Variants in YPEL5 observed in about 807,000 individuals in gnomAD.
YPEL5 encodes the protein protein yippee-like 5.
In YPEL5, 1 loss-of-function variant was observed where a neutral mutation model predicts 10.5. The ratio of observed to expected loss-of-function variants is 0.10; its 90% confidence interval spans 0.03 to 0.45. The LOEUF is 0.45. YPEL5 is among the 20% of genes least tolerant of loss of function. The pLI, the probability that YPEL5 is intolerant of heterozygous loss-of-function variation, is 0.97. For missense variants in YPEL5, 68 were observed against 159.3 expected (o/e 0.43, Z 3.09); for synonymous variants, 61 against 56.6 (o/e 1.08, Z -0.35).
At chr2:30,153,919 C>T (rs1351530290) in intron 1 of YPEL5, among the ~76,000 whole-genome samples, 1 of 152,098 alleles carries the variant, frequency 6.6e-6, no homozygotes, top group Non-Finnish European at 1.5e-5. Context: ...AATGTATTTA[C>T]CCTCAGTAGG....
chr2:30,148,850 G>A (rs146870912), intron 1 of YPEL5, among the ~76,000 whole-genome samples: 2 of 152,300 alleles, frequency 1.3e-5, no homozygotes, highest in Non-Finnish European at 2.9e-5. Context: ...AACAGTCCAC[G>A]AGACATGAAG....
intron 1 of YPEL5, 120 bp from the exon 2 acceptor site, chr2:30,156,508 G>T: frequency 1.1e-6 from 1 of 904,554 alleles, no homozygotes; most frequent in Non-Finnish European, 1.7e-6. Context: ...TTCACACATC[G>T]AGTACTACAA....
intron 1 of YPEL5, among the ~76,000 whole-genome samples, chr2:30,149,778 C>T (rs536008142): frequency 6.6e-6 from 1 of 152,348 alleles, no homozygotes; most frequent in African/African-American, 2.4e-5. Flanking sequence ...GTCTTTGTAC[C>T]TTGCCTTTGT....
chr2:30,156,810 T>C lies in YPEL5; in HGVS notation c.141+18T>C, dbSNP rs1676058762. ...TTAACAAGGTTAGTGAGAAAAAGTT[T>C]GATTCCTAAGTGGGCTTATTGGCTG... On this transcript the variant is annotated intron_variant, in intron 2 of 2. Coordinates refer to ENST00000261353, the MANE Select transcript of YPEL5 (RefSeq NM_016061.3). 3 of 1,613,950 alleles carry C rather than the reference T, an allele frequency of 1.9e-6. No individual in the cohort carries two copies. The East Asian group carries it at 6.7e-5, about 36-fold the overall frequency.
At chr2:30,156,925 C>A (rs1558359214) in intron 2 of YPEL5, 133 bp downstream of exon 2, 3 of 1,075,678 alleles carry the variant, frequency 2.8e-6, no homozygotes, top group Non-Finnish European at 4.0e-6. Flanking sequence ...GAAATGATTG[C>A]CCACTAGCTC....
chr2:30,151,500 A>G (rs1675792962), intron 1 of YPEL5, among the ~76,000 whole-genome samples: 1 of 152,194 alleles, frequency 6.6e-6, no homozygotes, highest in Non-Finnish European at 1.5e-5. Flanking sequence ...TTTCACTTAT[A>G]TTTTCATCCC....
At chr2:30,147,344 G>C (rs946360136) in intron 1 of YPEL5, among the ~76,000 whole-genome samples, 6 of 149,372 alleles carry the variant, frequency 4.0e-5, no homozygotes, top group Non-Finnish European at 3.0e-5. Flanking sequence ...GCAGCCGGGC[G>C]ACCGGTGCGA....
chr2:30,158,513 C>G (rs1399484176), intron 2 of YPEL5, 106 bp from the exon 3 acceptor site: 2 of 1,068,362 alleles, frequency 1.9e-6, no homozygotes, highest in East Asian at 2.5e-5. Flanking sequence ...CTAACAAGTT[C>G]TTTCTCCTTT....
chr2:30,147,030 C>T lies in YPEL5; in HGVS notation c.-57C>T, dbSNP rs560593063. On this transcript the variant is annotated 5_prime_UTR_variant, in exon 1 of 3. Transcript: ENST00000261353. Reference sequence around the variant, plus strand: ...TCATACCAGCTGAAGAGCGACAAGCCGCTGGCAGCCGCGGATCTCACCGCC... The same window carrying T: ...TCATACCAGCTGAAGAGCGACAAGCTGCTGGCAGCCGCGGATCTCACCGCC... 15 of 152,578 alleles carry T rather than the reference C, an allele frequency of 9.8e-5. No homozygotes were observed. In the South Asian group the frequency reaches 2.9e-3, roughly 29 times the overall value. The allele number at this position is 152,578 out of a possible 1,614,324, so 9.5% of individuals were successfully genotyped here. A position where few individuals can be genotyped will look rare whatever the true frequency, so the allele number is the denominator to read the frequency against.
intron 1 of YPEL5, among the ~76,000 whole-genome samples, chr2:30,149,710 G>T (rs1675693290): frequency 6.6e-6 from 1 of 152,176 alleles, no homozygotes; most frequent in South Asian, 2.1e-4. Context: ...CTCTGCAAGG[G>T]GCAGGTTCCT....
chr2:30,147,353 G>A (rs1336796654), intron 1 of YPEL5, among the ~76,000 whole-genome samples: 4 of 148,948 alleles, frequency 2.7e-5, no homozygotes, highest in Non-Finnish European at 4.5e-5. Flanking sequence ...CGACCGGTGC[G>A]ACAACAGCCG....
Position 30,158,911 on chromosome 2 carries a change from C to A in YPEL5, c.*68C>A. ...GAAAACAAAAATCTACTTACATACA[C>A]TGTCACCTTAGCATCAGAGTCGGAT... On this transcript the variant is annotated 3_prime_UTR_variant, in exon 3 of 3. Transcript: ENST00000261353. 1 of 1,447,090 alleles carries A rather than the reference C, an allele frequency of 6.9e-7. No individual in the cohort carries two copies. The allele number at this position is 1,447,090 out of a possible 1,614,324, so 89.6% of individuals were successfully genotyped here. A position where few individuals can be genotyped will look rare whatever the true frequency, so the allele number is the denominator to read the frequency against.
intron 1 of YPEL5, among the ~76,000 whole-genome samples, chr2:30,155,399 G>T (rs1046348640): frequency 6.6e-6 from 1 of 152,104 alleles, no homozygotes; most frequent in Non-Finnish European, 1.5e-5. Context: ...TTTTAAATTT[G>T]TAATGGAATT....
chr2:30,156,508 G>C (rs1438952437), intron 1 of YPEL5, 120 bp from the exon 2 acceptor site: 3 of 904,440 alleles, frequency 3.3e-6, no homozygotes, highest in Non-Finnish European at 5.1e-6. Flanking sequence ...TTCACACATC[G>C]AGTACTACAA....
chr2:30,150,369 G>C (rs1191687217), intron 1 of YPEL5, among the ~76,000 whole-genome samples: 1 of 152,168 alleles, frequency 6.6e-6, no homozygotes, highest in East Asian at 1.9e-4. Context: ...ACTCAGAGGT[G>C]GCTGCTGCTC....
intron 1 of YPEL5, among the ~76,000 whole-genome samples, chr2:30,155,401 A>G (rs1675998999): frequency 6.6e-6 from 1 of 152,168 alleles, no homozygotes; most frequent in African/African-American, 2.4e-5. Flanking sequence ...TTAAATTTGT[A>G]ATGGAATTCC....
chr2:30,152,746 T>C (rs1023167938), intron 1 of YPEL5, among the ~76,000 whole-genome samples: 2 of 152,220 alleles, frequency 1.3e-5, no homozygotes, highest in Non-Finnish European at 2.9e-5. Context: ...ATGCGGTATG[T>C]AAATACCAAG....
chr2:30,157,274 C>T (rs991574855), intron 2 of YPEL5, among the ~76,000 whole-genome samples: 4 of 150,718 alleles, frequency 2.7e-5, no homozygotes, highest in Non-Finnish European at 5.9e-5. Flanking sequence ...CAGAGTGAGA[C>T]TCAGTCTCAA....
intron 1 of YPEL5, chr2:30,156,008 T>C (rs531701652): frequency 3.3e-5 from 5 of 152,430 alleles, no homozygotes; most frequent in African/African-American, 1.2e-4. Flanking sequence ...TGTGAAGTGA[T>C]GGTAACAACC....
Sources: gnomAD v4.1 joint callset for allele counts (sites outside exome capture counted in the v4.1 genomes callset) on GRCh38, gnomAD v4.1.1 for gene constraint, MANE v1.5 for transcripts, NCBI Gene and HGNC (gene_info 2026-07-23, HGNC 2026-07-21) for gene names.